MCTP1: variants seen among roughly 807,000 people sequenced by gnomAD.
MCTP1 encodes the protein multiple C2 and transmembrane domain-containing protein 1.
A neutral mutation model predicts 120.6 loss-of-function variants in MCTP1; 69 were observed. The ratio of observed to expected loss-of-function variants is 0.57; its 90% CI spans 0.47 to 0.70. The LOEUF is 0.70. MCTP1 is among the 30% of genes least tolerant of loss of function. MCTP1 has a pLI of 0.00. For synonymous variants in MCTP1, 529 were observed against 493.1 expected, an observed-to-expected ratio of 1.07 and a Z score of -0.96; for missense variants, 1,203 against 1,248.8, an observed-to-expected ratio of 0.96 and a Z score of 0.55.
At chr5:94,800,823 C>G (rs997989320) in intron 17 of MCTP1, among the ~76,000 whole-genome samples, 1 of 151,940 alleles carries the variant, frequency 6.6e-6, no homozygotes, top group Admixed American at 6.6e-5. Context: ...GACAGAATTA[C>G]ATAGTAACTA....
Position 94,953,310 on chromosome 5 carries a change from C to T in MCTP1, c.890G>A (p.Arg297Lys). The T allele has an allele frequency of 6.2e-7, 1 of 1,611,310 alleles. No homozygotes were observed. Among genetic ancestry groups the T allele is most frequent in the Non-Finnish European group, 8.5e-7 (1 of 1,178,508 alleles). ...GAGGTTCTTGTGTATTATCTTACTT[C>T]TAAAAACTTCTTTTCCTCCGATTTT... ...KFKIGGKEVF[R>K]SKIIHKNLNP... Residue 297 changes from arginine (R) to lysine (K), a missense_variant, in exon 3 of 23, where the codon AGA becomes AAA. This residue lies in a region of MCTP1 where 740 missense variants were observed against 871.1 expected (regional missense o/e 0.85). Transcript: ENST00000515393.
intron 1 of MCTP1, among the ~76,000 whole-genome samples, chr5:95,124,204 T>C (rs912852265): frequency 2.0e-5 from 3 of 152,326 alleles, no homozygotes; most frequent in Admixed American, 6.5e-5. Flanking sequence ...AGGTTTAAGA[T>C]GAATTTTTAC....
intron 6 of MCTP1, among the ~76,000 whole-genome samples, chr5:94,924,350 G>A (rs1218908757): frequency 6.6e-6 from 1 of 152,102 alleles, no homozygotes; most frequent in African/African-American, 2.4e-5. Flanking sequence ...AAGTAAAGCA[G>A]ATATTTATTC....
intron 1 of MCTP1, among the ~76,000 whole-genome samples, chr5:95,197,451 A>G (rs992353262): frequency 1.3e-5 from 2 of 152,212 alleles, no homozygotes; most frequent in Non-Finnish European, 2.9e-5. Flanking sequence ...CAAAAGCTGG[A>G]AGCAACATAG....
chr5:95,252,993 AACAAGATCATTTTATATACATTCC>A (rs1174926069), intron 1 of MCTP1, among the ~76,000 whole-genome samples: 1 of 152,164 alleles, frequency 6.6e-6, no homozygotes, highest in Non-Finnish European at 1.5e-5. Flanking sequence ...TAGACTGACA[AACAAGATCATTTTATATACATTCC>A]AGATGATGAT....
At chr5:94,795,791 C>T (rs1233460755) in intron 18 of MCTP1, among the ~76,000 whole-genome samples, 1 of 152,188 alleles carries the variant, frequency 6.6e-6, no homozygotes, top group South Asian at 2.1e-4. Flanking sequence ...ACGCCTCTTT[C>T]GCATGGGCAC....
intron 19 of MCTP1, chr5:94,739,536 G>T (rs1765028967): frequency 2.0e-5 from 3 of 152,186 alleles, no homozygotes; most frequent in African/African-American, 7.2e-5. Context: ...TAATAAAATG[G>T]ATAATCCAAG....
At chr5:95,074,430 TAATA>T (rs1283238972) in intron 1 of MCTP1, among the ~76,000 whole-genome samples, 1 of 152,246 alleles carries the variant, frequency 6.6e-6, no homozygotes, top group Non-Finnish European at 1.5e-5. Flanking sequence ...AAGGTATAAT[TAATA>T]GTTATAGAGT....
At chr5:95,070,275 A>C (rs1751807140) in intron 1 of MCTP1, among the ~76,000 whole-genome samples, 1 of 152,214 alleles carries the variant, frequency 6.6e-6, no homozygotes, top group Non-Finnish European at 1.5e-5. Flanking sequence ...AAGGAGCAGG[A>C]GCTGCAGTGT....
chr5:95,276,598 G>C (rs1759858432), intron 1 of MCTP1, among the ~76,000 whole-genome samples: 1 of 151,282 alleles, frequency 6.6e-6, no homozygotes, highest in Non-Finnish European at 1.5e-5. Context: ...GAAGTAAAGG[G>C]AAGATAAGAG....
At chr5:94,715,268 C>G (rs1347810291) in intron 19 of MCTP1, among the ~76,000 whole-genome samples, 1 of 150,428 alleles carries the variant, frequency 6.6e-6, no homozygotes, top group African/African-American at 2.4e-5. Flanking sequence ...GTTTCTTGAC[C>G]GCACTGCCCA....
At chr5:94,749,654 CAAAAAAAAAAAA>C (rs57404381) in intron 19 of MCTP1, among the ~76,000 whole-genome samples, 6 of 50,962 alleles carry the variant, frequency 1.2e-4, no homozygotes, top group Middle Eastern at 0.02. Flanking sequence ...GACTTCATCT[CAAAAAAAAAAAA>C]AAAAAAAAAA....
At chr5:94,815,051 T>G (rs1784230396) in intron 17 of MCTP1, among the ~76,000 whole-genome samples, 1 of 152,216 alleles carries the variant, frequency 6.6e-6, no homozygotes, top group Admixed American at 6.5e-5. Context: ...ATACATGTTA[T>G]GAGGGATTTG....
intron 1 of MCTP1, among the ~76,000 whole-genome samples, chr5:95,101,138 A>G (rs1756699231): frequency 6.6e-6 from 1 of 152,220 alleles, no homozygotes; most frequent in African/African-American, 2.4e-5. Context: ...GTTTGATGGA[A>G]TAAGACAAGG....
chr5:95,167,429 T>C (rs541211054), intron 1 of MCTP1, among the ~76,000 whole-genome samples: 52 of 152,212 alleles, frequency 3.4e-4, no homozygotes, highest in Non-Finnish European at 6.3e-4. Context: ...TACCCAGTAA[T>C]GGGATGGCTG....
At chr5:94,841,835 C>T (rs1791113449) in intron 17 of MCTP1, among the ~76,000 whole-genome samples, 1 of 152,128 alleles carries the variant, frequency 6.6e-6, no homozygotes, top group African/African-American at 2.4e-5. Flanking sequence ...TTGCATACAG[C>T]CCCGAGCACA....
rs531260268 is a variant in MCTP1 at position 95,139,183 on chromosome 5, T to G, written c.721-121699A>C. 6.4e-4 allele frequency among the ~76,000 whole-genome samples: 98 copies of G among 152,296 alleles called. 1 individual carries two copies. The highest frequency in any genetic ancestry group is 1.8e-3 in the Admixed American group (28 of 15,298). The stretch of plus-strand genomic sequence containing the variant: ...TCATGTTAAAGCCCAAAATAAAAAC[T>G]CTAAGCATAGAAAATTAATGGATGC... On this transcript the variant is annotated intron_variant, in intron 1 of 22. Transcript: ENST00000515393.
At chr5:95,025,764 G>A (rs1839143808) in intron 1 of MCTP1, among the ~76,000 whole-genome samples, 1 of 152,128 alleles carries the variant, frequency 6.6e-6, no homozygotes, top group Non-Finnish European at 1.5e-5. Flanking sequence ...GGAATCTGAG[G>A]GTAGGACCCA....
At position 95,243,999 on chromosome 5, in the gene MCTP1, A is replaced by C. The variant is rs73776338; in HGVS notation, c.720+39857T>G. On this transcript the variant is annotated intron_variant, in intron 1 of 22. Coordinates refer to ENST00000515393, the MANE Select transcript of MCTP1 (RefSeq NM_024717.7). ...CACTAACTGGATGCCGGTGTTCTAGAAAATCATCTCTAGGATGTTTATACA... is the reference window on the plus strand; with the variant it reads ...CACTAACTGGATGCCGGTGTTCTAGCAAATCATCTCTAGGATGTTTATACA... Among the ~76,000 whole-genome samples the C allele has an allele frequency of 6.2e-3, 951 of 152,346 alleles. 12 individuals carry two copies. Among genetic ancestry groups the C allele is most frequent in the African/African-American group, 0.021 (874 of 41,582 alleles).
Sources: allele counts gnomAD v4.1 joint callset (sites outside exome capture counted in the v4.1 genomes callset), GRCh38; gene constraint gnomAD v4.1.1; regional missense constraint gnomAD v4.1.1; transcripts MANE v1.5; gene names NCBI Gene and HGNC (gene_info 2026-07-23, HGNC 2026-07-21).